RAD18: variants seen among roughly 807,000 people sequenced by gnomAD.
RAD18 encodes the protein RAD18 E3 ubiquitin protein ligase.
In RAD18, 47 loss-of-function variants were observed where a neutral mutation model predicts 60.4. That is an observed-to-expected ratio of 0.78 (90% confidence interval 0.62 to 0.99). The LOEUF is 0.99. Ranked by LOEUF, RAD18 falls within the 50% of genes least tolerant of loss-of-function variation. RAD18 has a pLI of 0.00. For missense variants in RAD18, 640 were observed against 593.3 expected (o/e 1.08, Z -0.82); for synonymous variants, 225 against 195.5 (o/e 1.15, Z -1.26).
chr3:8,890,469 T>C lies in RAD18; in HGVS notation c.1323-18A>G, dbSNP rs371207512. Reference sequence around the variant, plus strand: ...AACTGGAACTAAAAGGATATGTACATCAGTATTGACAGACAACAAGAAGAC... The same window carrying C: ...AACTGGAACTAAAAGGATATGTACACCAGTATTGACAGACAACAAGAAGAC... On this transcript the variant is annotated intron_variant, in intron 11 of 12. Coordinates refer to ENST00000264926, the MANE Select transcript of RAD18 (RefSeq NM_020165.4). The C allele has an allele frequency of 6.5e-7, 1 of 1,531,574 alleles. No individual in the cohort carries two copies. The highest frequency in any genetic ancestry group is 1.7e-5 in the Admixed American group (1 of 59,500). 94.9% of individuals were successfully genotyped at this position (1,531,574 alleles called of 1,614,324 possible).
At chr3:8,959,360 C>A (rs1017924211) in intron 1 of RAD18, among the ~76,000 whole-genome samples, 1 of 152,244 alleles carries the variant, frequency 6.6e-6, no homozygotes, top group Non-Finnish European at 1.5e-5. Flanking sequence ...GACTCCAACA[C>A]CTAGCCTATA....
At chr3:8,890,352 C>G (rs1409214917) in intron 12 of RAD18, 37 bp downstream of exon 12, 1 of 1,484,034 alleles carries the variant, frequency 6.7e-7, no homozygotes, top group African/African-American at 1.4e-5. Context: ...TTTCTCAGGT[C>G]AAAGTGCATG....
At chr3:8,959,073 C>T (rs1292672635) in intron 1 of RAD18, 72 bp from the exon 2 acceptor site, 1 of 1,184,238 alleles carries the variant, frequency 8.4e-7, no homozygotes. Context: ...AAAACTTTTT[C>T]TCTATCCCCT....
At chr3:8,957,838 C>T (rs113151274) in intron 2 of RAD18, among the ~76,000 whole-genome samples, 2 of 152,298 alleles carry the variant, frequency 1.3e-5, no homozygotes, top group East Asian at 1.9e-4. Context: ...AGTAGTAACA[C>T]AGCATACACA....
rs146901673 is a variant in RAD18, at chr3:8,919,506, A to G, written c.890-5786T>C. 1.6e-3 allele frequency among the ~76,000 whole-genome samples: 241 copies of G among 152,386 alleles called. 1 individual carries two copies. Among genetic ancestry groups the G allele is most frequent in the African/African-American group, 5.5e-3 (227 of 41,592 alleles). On this transcript the variant is annotated intron_variant, in intron 7 of 12. Transcript: ENST00000264926. ...TCTGGAGACAAAACAAAACTGCTACAGTATGAAATACTTTTGAGAGCCTTG... is the reference window on the plus strand; with the variant it reads ...TCTGGAGACAAAACAAAACTGCTACGGTATGAAATACTTTTGAGAGCCTTG...
chr3:8,952,067 C>G (rs1271023891), intron 2 of RAD18, among the ~76,000 whole-genome samples: 1 of 152,182 alleles, frequency 6.6e-6, no homozygotes, highest in Non-Finnish European at 1.5e-5. Context: ...AACACCAACA[C>G]ATTGGGGTTG....
chr3:8,918,815 G>C (rs1397314652), intron 7 of RAD18, among the ~76,000 whole-genome samples: 1 of 152,196 alleles, frequency 6.6e-6, no homozygotes, highest in Non-Finnish European at 1.5e-5. Context: ...GAGCAAGTGG[G>C]GAGCATGGAC....
intron 7 of RAD18, among the ~76,000 whole-genome samples, chr3:8,925,792 C>G (rs1040859303): frequency 2.4e-4 from 37 of 152,168 alleles, no homozygotes; most frequent in African/African-American, 8.9e-4. Flanking sequence ...AGCATATAAA[C>G]AGAACCAATG....
intron 4 of RAD18, among the ~76,000 whole-genome samples, chr3:8,946,262 A>G (rs961915018): frequency 6.6e-6 from 1 of 152,270 alleles, no homozygotes; most frequent in African/African-American, 2.4e-5. Flanking sequence ...CGTATTAGCT[A>G]TAGTAACATG....
intron 2 of RAD18, 53 bp from the exon 3 acceptor site, chr3:8,948,623 G>A (rs529487901): frequency 7.0e-7 from 1 of 1,420,730 alleles, no homozygotes; most frequent in East Asian, 2.3e-5. Context: ...TAATAATACA[G>A]GAATATGACT....
At chr3:8,936,527 A>C (rs1047321486) in intron 6 of RAD18, among the ~76,000 whole-genome samples, 1 of 152,206 alleles carries the variant, frequency 6.6e-6, no homozygotes, top group African/African-American at 2.4e-5. Flanking sequence ...GTTTTAATTC[A>C]TTTCACCTGA....
chr3:8,893,529 GC>G (rs1939728245), intron 11 of RAD18, among the ~76,000 whole-genome samples: 1 of 151,980 alleles, frequency 6.6e-6, no homozygotes, highest in Non-Finnish European at 1.5e-5. Flanking sequence ...ACAAACAATA[GC>G]TTATATGCCA....
intron 9 of RAD18, among the ~76,000 whole-genome samples, chr3:8,907,062 G>A (rs1331771443): frequency 1.3e-5 from 2 of 152,158 alleles, no homozygotes; most frequent in Non-Finnish European, 2.9e-5. Flanking sequence ...TCTCCTTCCA[G>A]TACTATGTCC....
chr3:8,910,914 T>C (rs768129390), intron 9 of RAD18, among the ~76,000 whole-genome samples: 2 of 152,186 alleles, frequency 1.3e-5, no homozygotes, highest in Non-Finnish European at 2.9e-5. Context: ...GGCTTGATAG[T>C]TGTTACCTCT....
intron 7 of RAD18, among the ~76,000 whole-genome samples, chr3:8,927,339 G>A (rs1373542917): frequency 6.6e-6 from 1 of 152,170 alleles, no homozygotes; most frequent in Non-Finnish European, 1.5e-5. Context: ...TCAGAGAAAT[G>A]CAAATCAAAA....
At chr3:8,896,707 G>A (rs1366744747) in intron 11 of RAD18, among the ~76,000 whole-genome samples, 3 of 152,160 alleles carry the variant, frequency 2.0e-5, no homozygotes, top group African/African-American at 2.4e-5. Context: ...CCTCACCCAC[G>A]GGGTAGTTGT....
intron 10 of RAD18, among the ~76,000 whole-genome samples, 157 bp downstream of exon 10, chr3:8,902,223 C>G (rs1485146360): frequency 6.6e-6 from 1 of 152,204 alleles, no homozygotes; most frequent in Admixed American, 6.5e-5. Flanking sequence ...AGTAATAAAT[C>G]TAGTTTACAA....
At chr3:8,962,128 A>G (rs1941102387) in intron 1 of RAD18, among the ~76,000 whole-genome samples, 1 of 152,224 alleles carries the variant, frequency 6.6e-6, no homozygotes, top group African/African-American at 2.4e-5. Context: ...CTGTGCCCAC[A>G]TACATCAACT....
chr3:8,890,500 C>T (rs770108358), intron 11 of RAD18, 49 bp from the exon 12 acceptor site: 16 of 1,371,514 alleles, frequency 1.2e-5, no homozygotes, highest in East Asian at 4.6e-5. Flanking sequence ...AAGACTGTAT[C>T]GTCCCATTTA....
Sources: gnomAD v4.1 joint callset for allele counts (sites outside exome capture counted in the v4.1 genomes callset) on GRCh38, gnomAD v4.1.1 for gene constraint, MANE v1.5 for transcripts, NCBI Gene and HGNC (gene_info 2026-07-23, HGNC 2026-07-21) for gene names.